NRXN1: variants seen among roughly 807,000 people sequenced by gnomAD.
NRXN1 encodes the protein neurexin-1.
A neutral mutation model predicts 150.9 loss-of-function variants in NRXN1; 39 were observed. The ratio of observed to expected loss-of-function variants is 0.26; its 90% CI spans 0.20 to 0.34. The LOEUF (loss-of-function observed/expected upper bound fraction) is 0.34. Ranked by LOEUF, NRXN1 falls within the 10% of genes least tolerant of loss-of-function variation. The pLI is 1.00. For synonymous variants in NRXN1, 924 were observed against 757.0 expected, an observed-to-expected ratio of 1.22 and a Z score of -3.62; for missense variants, 1,815 against 1,949.9, an observed-to-expected ratio of 0.93 and a Z score of 1.30.
chr2:50,688,254 A>T (rs982474), intron 5 of NRXN1, among the ~76,000 whole-genome samples: 35,616 of 152,114 alleles, frequency 0.23, 4,537 homozygotes, highest in African/African-American at 0.33. Flanking sequence ...GGGGTCCCCA[A>T]GTGCTTGTGG....
intron 18 of NRXN1, among the ~76,000 whole-genome samples, chr2:50,100,901 A>C (rs1700891363): frequency 6.6e-6 from 1 of 152,058 alleles, no homozygotes; most frequent in Non-Finnish European, 1.5e-5. Flanking sequence ...AACAAGAAAG[A>C]GGCATTGACT....
chr2:50,984,807 G>C (rs542250722), intron 2 of NRXN1, among the ~76,000 whole-genome samples: 1 of 152,102 alleles, frequency 6.6e-6, no homozygotes, highest in African/African-American at 2.4e-5. Context: ...CAGTGACAAA[G>C]GGAATGTGAA....
intron 5 of NRXN1, among the ~76,000 whole-genome samples, chr2:50,707,642 G>C (rs1032446320): frequency 1.3e-5 from 2 of 152,094 alleles, no homozygotes; most frequent in Admixed American, 6.6e-5. Context: ...ATCCAGACTG[G>C]ACTGCAGAAC....
At chr2:50,200,516 T>C (rs1342484645) in intron 18 of NRXN1, among the ~76,000 whole-genome samples, 1 of 152,154 alleles carries the variant, frequency 6.6e-6, no homozygotes, top group Non-Finnish European at 1.5e-5. Flanking sequence ...GCAAGAATTA[T>C]GACAAGGCTG....
rs75707169 is a variant in NRXN1, at chr2:50,854,331, A to G, written c.832+67538T>C. Among the ~76,000 whole-genome samples, 637 of 152,204 alleles carry G rather than the reference A, an allele frequency of 4.2e-3. 2 individuals carry two copies. The Middle Eastern group carries it at 0.048, about 11-fold the overall frequency. The stretch of plus-strand genomic sequence containing the variant: ...ATATATTAATGCATCTTCCTGTAAG[A>G]TCTGTTCCAATATCTAAGCATATCC... On this transcript the variant is annotated intron_variant, in intron 5 of 22. Transcript: ENST00000401669.
intron 18 of NRXN1, among the ~76,000 whole-genome samples, chr2:50,173,049 C>G (rs1461901125): frequency 6.6e-6 from 1 of 152,188 alleles, no homozygotes; most frequent in Non-Finnish European, 1.5e-5. Flanking sequence ...TACGCGCAAT[C>G]TATATTTCTC....
At chr2:50,504,140 TAAA>T (rs70948715) in intron 13 of NRXN1, among the ~76,000 whole-genome samples, 5 of 112,418 alleles carry the variant, frequency 4.4e-5, no homozygotes, top group African/African-American at 1.5e-4. Context: ...ACATGACAAC[TAAA>T]AAAAAAAAAA....
intron 8 of NRXN1, among the ~76,000 whole-genome samples, chr2:50,597,985 A>C (rs1395523466): frequency 6.6e-6 from 1 of 152,008 alleles, no homozygotes; most frequent in Non-Finnish European, 1.5e-5. Context: ...CCAAAAATAC[A>C]AAAATTACCC....
At chr2:50,493,495 T>C (rs1436355033) in intron 15 of NRXN1, among the ~76,000 whole-genome samples, 1 of 152,136 alleles carries the variant, frequency 6.6e-6, no homozygotes, top group Non-Finnish European at 1.5e-5. Flanking sequence ...GACGGAGAGC[T>C]TTGCATTGCA....
chr2:50,339,104 C>T (rs142869303), intron 17 of NRXN1, among the ~76,000 whole-genome samples: 3 of 151,954 alleles, frequency 2.0e-5, no homozygotes, highest in Non-Finnish European at 4.4e-5. Flanking sequence ...CCCAGATAAT[C>T]AAAAAAACCA....
intron 21 of NRXN1, among the ~76,000 whole-genome samples, chr2:50,024,630 T>C (rs1043519880): frequency 2.6e-5 from 4 of 152,110 alleles, no homozygotes; most frequent in African/African-American, 7.2e-5. Flanking sequence ...CTTTTTTTTT[T>C]TGGAGACGAA....
At chr2:50,048,541 A>C (rs536384158) in intron 21 of NRXN1, among the ~76,000 whole-genome samples, 1 of 152,240 alleles carries the variant, frequency 6.6e-6, no homozygotes. Flanking sequence ...TTCTGCTTAC[A>C]TTTTTCAAAC....
At chr2:50,001,071 C>T (rs1340124724) in intron 21 of NRXN1, among the ~76,000 whole-genome samples, 2 of 152,136 alleles carry the variant, frequency 1.3e-5, no homozygotes, top group Non-Finnish European at 2.9e-5. Flanking sequence ...ACTAGCTTGG[C>T]AGTGCCTTAC....
intron 18 of NRXN1, among the ~76,000 whole-genome samples, chr2:50,104,366 G>C (rs1701366554): frequency 6.6e-6 from 1 of 151,942 alleles, no homozygotes; most frequent in African/African-American, 2.4e-5. Flanking sequence ...CATGTCCACT[G>C]TTTTAAAATA....
At chr2:50,114,266 A>T (rs1472319960) in intron 18 of NRXN1, among the ~76,000 whole-genome samples, 9 of 152,192 alleles carry the variant, frequency 5.9e-5, no homozygotes, top group Non-Finnish European at 1.2e-4. Flanking sequence ...GATACATAGC[A>T]TCATATATCA....
At chr2:50,299,964 T>C (rs956645069) in intron 17 of NRXN1, among the ~76,000 whole-genome samples, 3 of 152,170 alleles carry the variant, frequency 2.0e-5, no homozygotes, top group African/African-American at 7.2e-5. Context: ...CCCATCACCA[T>C]GATTTCTAGA....
At chr2:50,523,304 A>G (rs552977565) in intron 12 of NRXN1, among the ~76,000 whole-genome samples, 3 of 152,264 alleles carry the variant, frequency 2.0e-5, no homozygotes, top group Non-Finnish European at 4.4e-5. Context: ...AGCAGCTTCT[A>G]TCCTAGGCAG....
chr2:50,341,361 C>G (rs770734032), intron 17 of NRXN1, among the ~76,000 whole-genome samples: 3 of 151,614 alleles, frequency 2.0e-5, no homozygotes, highest in Non-Finnish European at 2.9e-5. Context: ...CTAGATTTCC[C>G]CTACATGTGC....
chr2:50,119,419 T>C (rs1312835499), intron 18 of NRXN1, among the ~76,000 whole-genome samples: 1 of 152,150 alleles, frequency 6.6e-6, no homozygotes, highest in Non-Finnish European at 1.5e-5. Context: ...TCTTCTAAAA[T>C]GTCCTAAAAG....
Sources: allele counts gnomAD v4.1 joint callset (sites outside exome capture counted in the v4.1 genomes callset), GRCh38; gene constraint gnomAD v4.1.1; transcripts MANE v1.5; gene names NCBI Gene and HGNC (gene_info 2026-07-23, HGNC 2026-07-21).